Variants in DPY19L4 observed in about 807,000 individuals in gnomAD.
DPY19L4 encodes probable C-mannosyltransferase DPY19L4.
In DPY19L4, 97 loss-of-function variants were observed where a neutral mutation model predicts 102.8. The observed-to-expected ratio is 0.94, with a 90% CI of 0.80 to 1.12. DPY19L4 has a LOEUF of 1.12. Among genes scored for constraint, DPY19L4 ranks in the 50% most tolerant of loss-of-function variants. The pLI is 0.00. For synonymous variants in DPY19L4, 252 were observed against 283.1 expected, an observed-to-expected ratio of 0.89 and a Z score of 1.10; for missense variants, 815 against 850.4, an observed-to-expected ratio of 0.96 and a Z score of 0.52.
Position 94,777,575 on chromosome 8 carries a change from G to A in DPY19L4, c.1455-91G>A, listed in dbSNP as rs532726699. ...TGTCCCTTAGCATTTTGGTATTTTC[G>A]TGAGTAGTAGGAAAGAGCTCAGAGA... On this transcript the variant is annotated intron_variant, in intron 13 of 18. Coordinates refer to ENST00000414645, the MANE Select transcript of DPY19L4 (RefSeq NM_181787.3). 3.0e-5 allele frequency: 44 copies of A among 1,456,130 alleles called. No homozygotes were observed. In the African/African-American group the frequency reaches 5.2e-4, roughly 17 times the overall value. The allele number at this position is 1,456,130 out of a possible 1,614,324, so 90.2% of individuals were successfully genotyped here.
intron 8 of DPY19L4, among the ~76,000 whole-genome samples, chr8:94,764,191 G>T (rs1039975309): frequency 1.3e-5 from 2 of 152,056 alleles, no homozygotes; most frequent in African/African-American, 2.4e-5. Context: ...TAATAACAGG[G>T]CAAACTAAGT....
chr8:94,738,264 A>T, intron 3 of DPY19L4, 105 bp from the exon 4 acceptor site: 1 of 319,232 alleles, frequency 3.1e-6, no homozygotes, highest in Non-Finnish European at 5.1e-6. Context: ...GGTTGCAGTG[A>T]GCCGAGATCG....
intron 6 of DPY19L4, among the ~76,000 whole-genome samples, chr8:94,751,727 C>T (rs921266723): frequency 2.6e-5 from 4 of 151,060 alleles, no homozygotes; most frequent in South Asian, 2.1e-4. Flanking sequence ...TGGGCTCAAA[C>T]GATTCAGACG....
At chr8:94,732,800 T>C (rs1219025474) in intron 2 of DPY19L4, among the ~76,000 whole-genome samples, 1 of 131,174 alleles carries the variant, frequency 7.6e-6, no homozygotes, top group Admixed American at 8.7e-5. Context: ...CTTACCCTTT[T>C]CTTTTTCTTT....
intron 4 of DPY19L4, among the ~76,000 whole-genome samples, chr8:94,738,844 GTTC>G (rs1161140550): frequency 6.6e-6 from 1 of 151,946 alleles, no homozygotes; most frequent in African/African-American, 2.4e-5. Flanking sequence ...ATAAAACTTT[GTTC>G]TTCTATTTTA....
intron 6 of DPY19L4, among the ~76,000 whole-genome samples, chr8:94,751,150 A>C (rs1366264526): frequency 1.4e-5 from 2 of 138,958 alleles, no homozygotes; most frequent in African/African-American, 2.7e-5. Context: ...ACAGAGTCTC[A>C]CTCTGTTGCC....
intron 14 of DPY19L4, 70 bp downstream of exon 14, chr8:94,777,856 T>C: frequency 6.7e-7 from 1 of 1,483,568 alleles, no homozygotes; most frequent in Admixed American, 2.1e-5. Flanking sequence ...GGAAACTACA[T>C]TGAATACAAT....
rs556622558 is a variant in DPY19L4 at position 94,731,141 on chromosome 8, A to T, written c.128-3489A>T. On this transcript the variant is annotated intron_variant, in intron 2 of 18. Transcript: ENST00000414645. ...AATATACTTTTTATAATAGTTCCTG[A>T]TAAGTAGGATTAATTTGTCATTGTC... Among the ~76,000 whole-genome samples the T allele has an allele frequency of 5.3e-5, 8 of 151,906 alleles. 1 individual carries two copies. The East Asian group carries it at 1.6e-3, about 30-fold the overall frequency.
chr8:94,760,296 C>T (rs186686657), intron 7 of DPY19L4, among the ~76,000 whole-genome samples: 1 of 152,290 alleles, frequency 6.6e-6, no homozygotes, highest in Admixed American at 6.5e-5. Context: ...TAGATTTGAG[C>T]CTTCATTGCT....
At chr8:94,750,197 C>T (rs1437785045) in intron 6 of DPY19L4, among the ~76,000 whole-genome samples, 1 of 152,140 alleles carries the variant, frequency 6.6e-6, no homozygotes. Flanking sequence ...CTCAAGTGAT[C>T]CACCTGCCTT....
chr8:94,738,051 G>A (rs1811263438), intron 3 of DPY19L4, among the ~76,000 whole-genome samples: 1 of 151,692 alleles, frequency 6.6e-6, no homozygotes, highest in Non-Finnish European at 1.5e-5. Context: ...GGGCGTGGTG[G>A]CTTACGCCTG....
chr8:94,783,809 C>T lies in DPY19L4; in HGVS notation c.1848+7C>T, dbSNP rs1247458846. ...TCTCAAGAGAAATGAAAATGTAAGA[C>T]ATTTTAAATTCTACATTTGGATCTC... On this transcript the variant is annotated splice_region_variant and intron_variant, in intron 17 of 18. Transcript: ENST00000414645. 4 of 1,613,602 alleles carry T rather than the reference C, an allele frequency of 2.5e-6. No homozygotes were observed. Among genetic ancestry groups the T allele is most frequent in the East Asian group, 2.2e-5 (1 of 44,864 alleles).
At chr8:94,774,624 C>G (rs1200238324) in intron 13 of DPY19L4, among the ~76,000 whole-genome samples, 2 of 148,480 alleles carry the variant, frequency 1.3e-5, no homozygotes, top group Non-Finnish European at 3.0e-5. Flanking sequence ...GTTGCCCAGG[C>G]TAGAGTGCAA....
At chr8:94,768,193 G>A (rs1352220586) in intron 11 of DPY19L4, among the ~76,000 whole-genome samples, 1 of 152,126 alleles carries the variant, frequency 6.6e-6, no homozygotes, top group Non-Finnish European at 1.5e-5. Flanking sequence ...ACATTTATTA[G>A]AGCAGTTTTG....
chr8:94,749,164 C>G (rs1049051772), intron 6 of DPY19L4, among the ~76,000 whole-genome samples: 2 of 152,126 alleles, frequency 1.3e-5, no homozygotes, highest in Admixed American at 1.3e-4. Flanking sequence ...CCCACTGGCT[C>G]CCTCCCACAA....
Position 94,783,737 on chromosome 8 carries a change from A to G in DPY19L4, c.1783A>G (p.Thr595Ala), listed in dbSNP as rs1373520762. Residue 595 changes from threonine to alanine, a missense_variant, in exon 17 of 19, where the codon ACT becomes GCT. Thr to Ala is a moderately conservative substitution (Grantham distance 58, BLOSUM62 0). Transcript: ENST00000414645. ...GTTAATGGGTGCGATTAAATTATGC[A>G]CTGGATGGATGGTGACAAGTTTGCC... ...PQLMGAIKLC[T>A]GWMVTSLPLY... 6.2e-7 allele frequency: 1 copy of G among 1,614,032 alleles called. No homozygotes were observed. Among genetic ancestry groups the G allele is most frequent in the Non-Finnish European group, 8.5e-7 (1 of 1,180,020 alleles).
rs1415377058 is a variant in DPY19L4 at position 94,764,689 on chromosome 8, G to GTGTA, written c.871-493_871-492insGTAT. Among the ~76,000 whole-genome samples, 305 of 43,208 alleles carry GTGTA rather than the reference G, an allele frequency of 7.1e-3. 1 individual carries two copies. Among genetic ancestry groups the GTGTA allele is most frequent in the African/African-American group, 0.028 (243 of 8,772 alleles). The allele number at this position is 43,208 out of a possible 152,430, so 28.3% of individuals were successfully genotyped here. The stretch of plus-strand genomic sequence containing the variant: ...TGCGTGTGTGTGTGTGTCTGTGTGT[G>GTGTA]TATATATATATATATATATATATAT... On this transcript the variant is annotated intron_variant, in intron 8 of 18. Transcript: ENST00000414645.
chr8:94,736,646 T>A (rs1479560186), intron 3 of DPY19L4, among the ~76,000 whole-genome samples: 1 of 152,192 alleles, frequency 6.6e-6, no homozygotes, highest in Non-Finnish European at 1.5e-5. Flanking sequence ...CAAAGCCTCC[T>A]AAGGTGATTT....
chr8:94,785,706 G>T (rs1813623141), intron 17 of DPY19L4, among the ~76,000 whole-genome samples: 1 of 152,106 alleles, frequency 6.6e-6, no homozygotes, highest in Non-Finnish European at 1.5e-5. Context: ...AGAGATCAGA[G>T]ATGGGGAGAT....
Sources: gnomAD v4.1 joint callset for allele counts (sites outside exome capture counted in the v4.1 genomes callset) on GRCh38, gnomAD v4.1.1 for gene constraint, MANE v1.5 for transcripts, NCBI Gene and HGNC (gene_info 2026-07-23, HGNC 2026-07-21) for gene names.